The following RFX7 variants were observed in gnomAD, a reference collection of about 807,000 sequenced individuals.
The protein encoded by RFX7 is regulatory factor X7.
Under a neutral mutation model 111.8 loss-of-function variants are expected in RFX7, and 26 were observed. That is an observed-to-expected ratio of 0.23 (90% confidence interval 0.17 to 0.32). RFX7 has a LOEUF of 0.32. RFX7 is among the 10% of genes least tolerant of loss of function. The probability of loss-of-function intolerance (pLI) is 1.00; values close to 1 mark genes in which losing one functional copy is unlikely to be tolerated. For missense variants in RFX7, 1,573 were observed against 1,772.9 expected, an observed-to-expected ratio of 0.89 and a Z score of 2.02; for synonymous variants, 624 against 624.4, an observed-to-expected ratio of 1.00 and a Z score of 0.01.
intron 2 of RFX7, among the ~76,000 whole-genome samples, chr15:56,211,151 A>G (rs2043309293): frequency 6.6e-6 from 1 of 152,104 alleles, no homozygotes; most frequent in Non-Finnish European, 1.5e-5. Flanking sequence ...TTTCCAAACC[A>G]AAAGCAAAGG....
At chr15:56,170,888 AG>A (rs1235175132) in intron 3 of RFX7, among the ~76,000 whole-genome samples, 1 of 152,150 alleles carries the variant, frequency 6.6e-6, no homozygotes, top group African/African-American at 2.4e-5. Flanking sequence ...GGGAGAGTGG[AG>A]AAAGATGAGG....
chr15:56,244,064 G>A (rs2043774838), upstream of RFX7: 1 of 151,522 alleles, frequency 6.6e-6, no homozygotes, highest in South Asian at 2.1e-4. Context: ...CTGGTGGAGA[G>A]CAGGAAAACG....
chr15:56,140,579 C>T (rs562186407), intron 5 of RFX7, among the ~76,000 whole-genome samples: 17 of 152,282 alleles, frequency 1.1e-4, no homozygotes, highest in Admixed American at 1.1e-3. Flanking sequence ...CCGTCTTCTG[C>T]GTCACTCAGG....
intron 5 of RFX7, among the ~76,000 whole-genome samples, chr15:56,112,949 G>C (rs553279543): frequency 2.6e-5 from 4 of 152,142 alleles, no homozygotes; most frequent in African/African-American, 9.7e-5. Flanking sequence ...AAACCACAAA[G>C]AGATACCATC....
At chr15:56,221,836 A>G (rs1224657023) in intron 2 of RFX7, among the ~76,000 whole-genome samples, 1 of 152,190 alleles carries the variant, frequency 6.6e-6, no homozygotes, top group Non-Finnish European at 1.5e-5. Flanking sequence ...CTGTTTCACG[A>G]TCTTTTACTT....
rs570305663 is a variant in RFX7, at chr15:56,134,067, A to C, written c.401+8711T>G. Among the ~76,000 whole-genome samples, 39 of 152,240 alleles carry C rather than the reference A, an allele frequency of 2.6e-4. 1 individual carries two copies. In the South Asian group the frequency reaches 8.1e-3, roughly 32 times the overall value. ...AGCAGTATTTCTAACTACTTGTCCA[A>C]TGTTTTCTACCCACTCAGTTTGATA... On this transcript the variant is annotated intron_variant, in intron 5 of 9. Transcript: ENST00000559447.
intron 5 of RFX7, among the ~76,000 whole-genome samples, chr15:56,129,008 A>T (rs2042179311): frequency 6.6e-6 from 1 of 152,188 alleles, no homozygotes; most frequent in African/African-American, 2.4e-5. Context: ...ACATCCTTGA[A>T]AGAAATTAAA....
At chr15:56,134,763 T>C (rs2042272781) in intron 5 of RFX7, among the ~76,000 whole-genome samples, 2 of 152,014 alleles carry the variant, frequency 1.3e-5, no homozygotes, top group Admixed American at 6.6e-5. Context: ...ATGCTATCCC[T>C]ACCGCCCTCC....
At chr15:56,188,441 T>A (rs2043064462) in intron 2 of RFX7, among the ~76,000 whole-genome samples, 1 of 152,008 alleles carries the variant, frequency 6.6e-6, no homozygotes, top group African/African-American at 2.4e-5. Flanking sequence ...ATCCCAGAAG[T>A]TCAGCAAATT....
At chr15:56,100,757 G>T (rs2041741082) in intron 8 of RFX7, among the ~76,000 whole-genome samples, 1 of 152,128 alleles carries the variant, frequency 6.6e-6, no homozygotes, top group African/African-American at 2.4e-5. Flanking sequence ...TTAGGAGGGA[G>T]TCATTCTAAC....
rs2041605892 is a variant in RFX7 at position 56,092,274 on chromosome 15, T to C, written c.*1071A>G. On this transcript the variant is annotated 3_prime_UTR_variant, in exon 10 of 10. Coordinates refer to ENST00000559447, the MANE Select transcript of RFX7 (RefSeq NM_022841.7). Reference sequence around the variant, plus strand: ...GCTTCAGACCTTAGGTGGTGAAATGTTTTTTGTTGTTTTTTATGTTATCCT... The same window carrying C: ...GCTTCAGACCTTAGGTGGTGAAATGCTTTTTGTTGTTTTTTATGTTATCCT... 6.6e-6 allele frequency: 1 copy of C among 152,550 alleles called. No homozygotes were observed. The highest frequency in any genetic ancestry group is 1.9e-4 in the East Asian group (1 of 5,204). 9.4% of individuals were successfully genotyped at this position (152,550 alleles called of 1,614,324 possible).
chr15:56,175,493 T>G (rs753623753), intron 3 of RFX7, among the ~76,000 whole-genome samples: 1 of 152,086 alleles, frequency 6.6e-6, no homozygotes, highest in Non-Finnish European at 1.5e-5. Flanking sequence ...TATCAAGACT[T>G]TCTATAAAGC....
intron 3 of RFX7, among the ~76,000 whole-genome samples, chr15:56,158,020 T>C (rs1400352956): frequency 6.6e-6 from 1 of 152,186 alleles, no homozygotes; most frequent in East Asian, 1.9e-4. Context: ...TTGATGAAGC[T>C]TTTATAAATC....
chr15:56,151,838 A>G (rs1354595392), intron 3 of RFX7, among the ~76,000 whole-genome samples: 1 of 152,230 alleles, frequency 6.6e-6, no homozygotes, highest in African/African-American at 2.4e-5. Context: ...AGACACACAT[A>G]GGCTCAAATA....
At position 56,098,235 on chromosome 15, in the gene RFX7, T is replaced by A; in HGVS notation, c.953A>T (p.Gln318Leu). ...QRKIQKKQQEQKLQSPLPGES... is the reference protein window; with the variant it reads ...QRKIQKKQQELKLQSPLPGES... ...TCCTGGCAAAGGGGATTGTAGTTTC[T>A]GTTCTTGCTGCTTCTTCTGGATTTT... The change falls in exon 9 of 10, where the codon CAG becomes CTG. Residue 318 changes from glutamine (Q) to leucine (L), a missense_variant. By Grantham distance (113) the Gln-to-Leu change is moderately radical. Transcript: ENST00000559447. 1 of 1,614,012 alleles carries A rather than the reference T, an allele frequency of 6.2e-7. No individual in the cohort carries two copies. Among genetic ancestry groups the A allele is most frequent in the Non-Finnish European group, 8.5e-7 (1 of 1,179,864 alleles).
intron 4 of RFX7, among the ~76,000 whole-genome samples, chr15:56,143,398 T>G (rs1324568414): frequency 6.6e-6 from 1 of 151,782 alleles, no homozygotes; most frequent in Non-Finnish European, 1.5e-5. Flanking sequence ...TATAACTACT[T>G]GGAAATCTTA....
At chr15:56,235,195 A>T (rs2043609601) in intron 2 of RFX7, among the ~76,000 whole-genome samples, 1 of 150,260 alleles carries the variant, frequency 6.7e-6, no homozygotes, top group South Asian at 2.1e-4. Context: ...TTTTTTTGAG[A>T]TGGAGTCTCA....
rs960026976 is a variant in RFX7 at position 56,101,130 on chromosome 15, A to G, written c.811+229T>C. 2.6e-5 allele frequency among the ~76,000 whole-genome samples: 4 copies of G among 152,326 alleles called. No homozygotes were observed. In the South Asian group the frequency reaches 8.3e-4, roughly 32 times the overall value. On this transcript the variant is annotated intron_variant, in intron 8 of 9. Coordinates refer to ENST00000559447, the MANE Select transcript of RFX7 (RefSeq NM_022841.7). ...TATCAGCTGGGGAATCTACAGTTTCATATGCCAGCAAAGCAATATATAGAA... is the reference window on the plus strand; with the variant it reads ...TATCAGCTGGGGAATCTACAGTTTCGTATGCCAGCAAAGCAATATATAGAA...
chr15:56,134,321 C>T (rs188809862), intron 5 of RFX7, among the ~76,000 whole-genome samples: 54 of 152,184 alleles, frequency 3.5e-4, no homozygotes, highest in Admixed American at 1.0e-3. Context: ...GATCAGGTTC[C>T]GCTCTAATCA....
Sources: allele counts gnomAD v4.1 joint callset (sites outside exome capture counted in the v4.1 genomes callset), GRCh38; gene constraint gnomAD v4.1.1; transcripts MANE v1.5; gene names NCBI Gene and HGNC (gene_info 2026-07-23, HGNC 2026-07-21).